The following ZNF554 variants were observed in gnomAD, a reference collection of about 807,000 sequenced individuals.
The protein encoded by ZNF554 is zinc finger protein 554.
Under a neutral mutation model 21.2 loss-of-function variants are expected in ZNF554, and 15 were observed. The observed-to-expected ratio is 0.71, with a 90% CI of 0.47 to 1.09. The LOEUF (loss-of-function observed/expected upper bound fraction) is 1.09, where lower values mean the gene tolerates loss of function less well. Among genes scored for constraint, ZNF554 ranks in the 50% least tolerant of loss-of-function variants. The probability of loss-of-function intolerance (pLI) is 0.00; values close to 1 mark genes in which losing one functional copy is unlikely to be tolerated. For missense variants in ZNF554, 691 were observed against 662.7 expected, an observed-to-expected ratio of 1.04 and a Z score of -0.47; for synonymous variants, 258 against 251.4, an observed-to-expected ratio of 1.03 and a Z score of -0.25.
intron 3 of ZNF554, among the ~76,000 whole-genome samples, chr19:2,829,718 G>GTA (rs1262621804): frequency 6.6e-6 from 1 of 152,048 alleles, no homozygotes; most frequent in African/African-American, 2.4e-5. Context: ...CATAAAATGT[G>GTA]CCTTTTTCAC....
chr19:2,827,649 C>T lies in ZNF554; in HGVS notation c.159C>T (p.Asp53=). 1.2e-6 allele frequency: 2 copies of T among 1,613,854 alleles called. No individual in the cohort carries two copies. Among genetic ancestry groups the T allele is most frequent in the Non-Finnish European group, 1.7e-6 (2 of 1,179,878 alleles). The change falls in exon 3 of 5, where the codon GAC becomes GAT. Residue 53 remains aspartate, a synonymous_variant. Transcript: ENST00000317243. ...ELVTFEDVSM[D]FSQEEWELLE... The stretch of plus-strand genomic sequence containing the variant: ...TAACCTTTGAGGACGTGTCCATGGA[C>T]TTCTCCCAGGAGGAGTGGGAGTTGC...
chr19:2,834,471 C>T lies in ZNF554; in HGVS notation c.1236C>T (p.Asp412=), dbSNP rs374450375. 1.4e-5 allele frequency: 23 copies of T among 1,613,928 alleles called. No individual in the cohort carries two copies. Among genetic ancestry groups the T allele is most frequent in the Non-Finnish European group, 1.9e-5 (22 of 1,180,018 alleles). The stretch of plus-strand genomic sequence containing the variant: ...GGGAAAAGCCCTATAAATGTGAAGA[C>T]TGTGGGAAATCCTTCTGCCAGAGCT... ...HTGEKPYKCE[D]CGKSFCQSSY... The change falls in exon 5 of 5, where the codon GAC becomes GAT. Residue 412 remains aspartate, a synonymous_variant. Transcript: ENST00000317243.
intron 1 of ZNF554, among the ~76,000 whole-genome samples, chr19:2,822,046 TC>T (rs906881921): frequency 5.1e-4 from 77 of 152,182 alleles, no homozygotes; most frequent in African/African-American, 1.8e-3. Flanking sequence ...TTTTGTTTCT[TC>T]TTTTCCTTAT....
rs1226592412 is a variant in ZNF554 at position 2,833,988 on chromosome 19, T to G, written c.753T>G (p.Ile251Met). The part of the protein sequence containing the change: ...GNHLCGSELD[I>M]TSLASDSVLN... ...ACTTGTGTGGCAGCGAGTTAGATAT[T>G]ACAAGCTTGGCATCCGATTCAGTCT... The change falls in exon 5 of 5, where the codon ATT (isoleucine) becomes ATG (methionine). Residue 251 changes from isoleucine to methionine, a missense_variant. By Grantham distance (10) the Ile-to-Met change is conservative (BLOSUM62 1). Transcript: ENST00000317243. The G allele has an allele frequency of 1.2e-6, 2 of 1,614,148 alleles. No homozygotes were observed. The highest frequency in any genetic ancestry group is 2.2e-5 in the South Asian group (2 of 91,092).
intron 2 of ZNF554, among the ~76,000 whole-genome samples, chr19:2,824,966 T>C (rs1171069860): frequency 1.3e-5 from 2 of 151,528 alleles, no homozygotes; most frequent in East Asian, 1.9e-4. Context: ...TCCTTCTGTG[T>C]CTGGCTTCTC....
intron 3 of ZNF554, 196 bp from the exon 4 acceptor site, chr19:2,832,107 G>T (rs1309940059): frequency 3.2e-5 from 13 of 410,734 alleles, no homozygotes; most frequent in Non-Finnish European, 5.6e-5. Flanking sequence ...TGTATTTTTA[G>T]TAGAGATGGG....
chr19:2,833,807 AC>A lies in ZNF554; in HGVS notation c.573del (p.Asp191GlufsTer10). The A allele has an allele frequency of 6.2e-7, 1 of 1,612,318 alleles. No homozygotes were observed. The highest frequency in any genetic ancestry group is 8.5e-7 in the Non-Finnish European group (1 of 1,179,208). On this transcript the variant is annotated frameshift_variant, in exon 5 of 5. Transcript: ENST00000317243. LOFTEE classifies it low-confidence loss of function (END_TRUNC). The stretch of plus-strand genomic sequence containing the variant: ...GATGGGGGATGGAAGCAGTTAGAGG[AC>A]AGCCATGAAGACCCCCAGGGGCTTT... Reference protein sequence around the residue: ...REDGGWKQLEDSHEDPQGLLS... With the variant: ...REDGGWKQLEXSHEDPQGLLS...
chr19:2,824,049 CTG>C (rs1375736774), intron 2 of ZNF554, among the ~76,000 whole-genome samples: 1 of 152,176 alleles, frequency 6.6e-6, no homozygotes, highest in Non-Finnish European at 1.5e-5. Context: ...AAACCCCACT[CTG>C]AGAGAGGCCA....
Position 2,820,684 on chromosome 19 carries a change from C to CTTTTTTTTTTTTTTTTTTTTTTTTTTTT in ZNF554, c.53+576_53+577insTTTTTTTTTTTTTTTTTTTTTTTTTTTT, listed in dbSNP as rs762586098. 1.1e-3 allele frequency among the ~76,000 whole-genome samples: 118 copies of CTTTTTTTTTTTTTTTTTTTTTTTTTTTT among 103,116 alleles called. 21 individuals carry two copies. Among genetic ancestry groups the CTTTTTTTTTTTTTTTTTTTTTTTTTTTT allele is most frequent in the Non-Finnish European group, 1.3e-3 (65 of 50,432 alleles). 67.6% of individuals were successfully genotyped at this position (103,116 alleles called of 152,430 possible). The stretch of plus-strand genomic sequence containing the variant: ...TCCTGGTGATAAGACAGCAAGGGTC[C>CTTTTTTTTTTTTTTTTTTTTTTTTTTTT]TTTTTTTTTTTTTTTTGAGACGGAG... On this transcript the variant is annotated intron_variant, in intron 1 of 4. Coordinates refer to ENST00000317243, the MANE Select transcript of ZNF554 (RefSeq NM_001102651.2).
intron 2 of ZNF554, among the ~76,000 whole-genome samples, chr19:2,825,102 G>A (rs897277234): frequency 2.1e-5 from 3 of 140,080 alleles, no homozygotes; most frequent in Admixed American, 7.6e-5. Flanking sequence ...AACCTCTGCC[G>A]CCCAAGCTCA....
At chr19:2,826,390 G>A (rs1352735350) in intron 2 of ZNF554, 1 of 151,492 alleles carries the variant, frequency 6.6e-6, no homozygotes, top group Non-Finnish European at 1.5e-5. Context: ...TTGTAGTAGA[G>A]ATGGGGTTTC....
In ZNF554 at chr19:2,821,880, G is replaced by C. The variant is rs956992273; in HGVS notation, c.54-1160G>C. 6.6e-6 allele frequency among the ~76,000 whole-genome samples: 1 copy of C among 151,916 alleles called. No individual in the cohort carries two copies. The highest frequency in any genetic ancestry group is 2.1e-4 in the South Asian group (1 of 4,812). On this transcript the variant is annotated intron_variant, in intron 1 of 4. Transcript: ENST00000317243. The surrounding 1 kb of genome is among the most constrained non-coding windows in gnomAD (Gnocchi z 8.2). ...GGGTTTTGCCATGTTGGCCAGGCTG[G>C]TCTCGAACTCCTGACCTCGTGGTCT... is the stretch of plus-strand genomic sequence containing the variant.
Position 2,834,826 on chromosome 19 carries a change from C to T in ZNF554, c.1591C>T (p.Gln531Ter). 3 of 1,596,264 alleles carry T rather than the reference C, an allele frequency of 1.9e-6. No individual in the cohort carries two copies. The highest frequency in any genetic ancestry group is 1.1e-5 in the South Asian group (1 of 89,656). The change falls in exon 5 of 5, where the codon CAG becomes TAG. Residue 531 changes from glutamine (Q) to a stop codon, truncating the protein, a stop_gained. Coordinates refer to ENST00000317243, the MANE Select transcript of ZNF554 (RefSeq NM_001102651.2). LOFTEE classifies it low-confidence loss of function (END_TRUNC). ...CATTGACTGTGGGAAAGCGTTCTACCAGAACAGACATCTTATTGGATATTA... is the reference window on the plus strand; with the variant it reads ...CATTGACTGTGGGAAAGCGTTCTACTAGAACAGACATCTTATTGGATATTA... The part of the protein sequence containing the change: ...KIIDCGKAFY[Q>*]NRHLIGY
At chr19:2,823,500 C>A (rs2087290100) in intron 2 of ZNF554, among the ~76,000 whole-genome samples, 1 of 152,126 alleles carries the variant, frequency 6.6e-6, no homozygotes, top group Admixed American at 6.6e-5. Context: ...GCAGCTCCTC[C>A]CTGTTGGCAG....
intron 2 of ZNF554, among the ~76,000 whole-genome samples, chr19:2,825,737 G>GC (rs1568332783): frequency 6.7e-6 from 1 of 149,198 alleles, no homozygotes; most frequent in African/African-American, 2.5e-5. Flanking sequence ...GGAAGAGTTT[G>GC]TTTTTTTTTT....
chr19:2,834,321 G>T lies in ZNF554; in HGVS notation c.1086G>T (p.Thr362=), dbSNP rs61745522. The T allele has an allele frequency of 6.2e-7, 1 of 1,613,706 alleles. No homozygotes were observed. The highest frequency in any genetic ancestry group is 1.3e-5 in the African/African-American group (1 of 74,898). ...GTCAGGAGTGTGGGCGAGCCTTTAC[G>T]CACAGCTCCACCCTCACGCGCCATC... ...YECQECGRAF[T]HSSTLTRHLR... The change falls in exon 5 of 5, where the codon ACG becomes ACT. Residue 362 remains threonine, a synonymous_variant. Transcript: ENST00000317243.
At chr19:2,832,595 C>A in intron 4 of ZNF554, 101 bp downstream of exon 4, 1 of 1,241,920 alleles carries the variant, frequency 8.1e-7, no homozygotes, top group Non-Finnish European at 1.1e-6. Flanking sequence ...AAGGAGAATG[C>A]CAAGATCCCT....
Position 2,834,271 on chromosome 19 carries a change from C to T in ZNF554, c.1036C>T (p.His346Tyr). ...TTCTTTGAGCGAACATCAAAGAATTCACACGGGGGAGAAACCCTACGAGTG... is the reference window on the plus strand; with the variant it reads ...TTCTTTGAGCGAACATCAAAGAATTTACACGGGGGAGAAACCCTACGAGTG... ...RHSLSEHQRI[H>Y]TGEKPYECQE... The change falls in exon 5 of 5, where the codon CAC becomes TAC. Residue 346 changes from histidine (H) to tyrosine (Y), a missense_variant. Coordinates refer to ENST00000317243, the MANE Select transcript of ZNF554 (RefSeq NM_001102651.2). 1 of 1,614,094 alleles carries T rather than the reference C, an allele frequency of 6.2e-7. No homozygotes were observed. The highest frequency in any genetic ancestry group is 8.5e-7 in the Non-Finnish European group (1 of 1,180,044).
chr19:2,823,466 T>C (rs2087289719), intron 2 of ZNF554, among the ~76,000 whole-genome samples: 1 of 152,184 alleles, frequency 6.6e-6, no homozygotes, highest in Non-Finnish European at 1.5e-5. Flanking sequence ...TTGTATTTAC[T>C]GTTAGAGCAG....
Sources: allele counts gnomAD v4.1 joint callset (sites outside exome capture counted in the v4.1 genomes callset), GRCh38; gene constraint gnomAD v4.1.1; non-coding constraint Gnocchi (gnomAD v3.1); transcripts MANE v1.5; gene names NCBI Gene and HGNC (gene_info 2026-07-23, HGNC 2026-07-21).